Variants in KIAA1328 observed in about 807,000 individuals in gnomAD.
The protein encoded by KIAA1328 is KIAA1328, also known as protein hinderin.
KIAA1328 carries 52 observed loss-of-function variants against 68.1 expected under a neutral mutation model. The observed-to-expected ratio is 0.76, with a 90% CI of 0.61 to 0.96. The LOEUF (loss-of-function observed/expected upper bound fraction) is 0.96, where lower values mean the gene tolerates loss of function less well. Ranked by LOEUF, KIAA1328 falls within the 40% of genes least tolerant of loss-of-function variation. The pLI is 0.00. For synonymous variants in KIAA1328, 232 were observed against 239.4 expected, an observed-to-expected ratio of 0.97 and a Z score of 0.28; for missense variants, 641 against 677.6, an observed-to-expected ratio of 0.95 and a Z score of 0.60.
intron 5 of KIAA1328, among the ~76,000 whole-genome samples, chr18:36,902,531 G>A (rs963234151): frequency 6.6e-6 from 1 of 151,990 alleles, no homozygotes; most frequent in Non-Finnish European, 1.5e-5. Flanking sequence ...TATGCCACTG[G>A]TTTTCAATCC....
chr18:37,066,048 G>A (rs748846306), intron 6 of KIAA1328, among the ~76,000 whole-genome samples: 3 of 152,136 alleles, frequency 2.0e-5, no homozygotes, highest in Non-Finnish European at 4.4e-5. Flanking sequence ...AGAAAGATTT[G>A]GAAACTCTGG....
At chr18:36,931,153 C>T (rs901152296) in intron 5 of KIAA1328, among the ~76,000 whole-genome samples, 2 of 151,990 alleles carry the variant, frequency 1.3e-5, no homozygotes, top group Non-Finnish European at 2.9e-5. Flanking sequence ...CAAAAAACTC[C>T]CAAACAATAA....
intron 6 of KIAA1328, among the ~76,000 whole-genome samples, chr18:36,991,945 G>A (rs976745015): frequency 1.8e-4 from 28 of 152,116 alleles, no homozygotes; most frequent in African/African-American, 5.8e-4. Flanking sequence ...GTAGTTGTTC[G>A]GGGGCCACCA....
rs946758090 is a variant in KIAA1328 at position 37,143,525 on chromosome 18, T to C, written c.1233-16675T>C. 3.2e-4 allele frequency among the ~76,000 whole-genome samples: 34 copies of C among 107,594 alleles called. No homozygotes were observed. The East Asian group carries it at 3.4e-3, about 11-fold the overall frequency. 70.6% of individuals were successfully genotyped at this position (107,594 alleles called of 152,430 possible). A position where few individuals can be genotyped will look rare whatever the true frequency, so the allele number is the denominator to read the frequency against. ...GCTTTATGCCTTTTTTTCTTTCTTT[T>C]TTTTTTTTTTTTTTTTTTGCTTATT... On this transcript the variant is annotated intron_variant, in intron 7 of 9. Coordinates refer to ENST00000280020, the MANE Select transcript of KIAA1328 (RefSeq NM_020776.3).
chr18:36,932,854 A>G (rs1022437714), intron 5 of KIAA1328, among the ~76,000 whole-genome samples: 6 of 152,244 alleles, frequency 3.9e-5, no homozygotes, highest in South Asian at 2.1e-4. Context: ...AGCTGTTTAT[A>G]TATTAGTAAA....
At chr18:36,949,263 A>T (rs2034214) in intron 5 of KIAA1328, among the ~76,000 whole-genome samples, 111,515 of 152,094 alleles carry the variant, frequency 0.73, 43,985 homozygotes, top group South Asian at 0.89. Flanking sequence ...TTTTTAAGCA[A>T]GTTAGAAGCA....
At chr18:37,029,335 T>C (rs2054725896) in intron 6 of KIAA1328, among the ~76,000 whole-genome samples, 1 of 152,102 alleles carries the variant, frequency 6.6e-6, no homozygotes, top group South Asian at 2.1e-4. Context: ...CTGAGAGTTT[T>C]ATTTGGGATT....
intron 6 of KIAA1328, among the ~76,000 whole-genome samples, chr18:37,031,650 G>A (rs2054834132): frequency 6.6e-6 from 1 of 152,052 alleles, no homozygotes; most frequent in Admixed American, 6.6e-5. Flanking sequence ...GGACTCTTTG[G>A]ATCCTTTACC....
chr18:36,870,566 G>T (rs900246726), intron 4 of KIAA1328, among the ~76,000 whole-genome samples: 4 of 152,058 alleles, frequency 2.6e-5, no homozygotes, highest in African/African-American at 9.7e-5. Flanking sequence ...CGTATGTTTG[G>T]GTGGGATTTA....
chr18:36,862,538 T>C (rs1358225376), intron 4 of KIAA1328, among the ~76,000 whole-genome samples: 1 of 152,170 alleles, frequency 6.6e-6, no homozygotes, highest in Non-Finnish European at 1.5e-5. Context: ...TATCAATAAT[T>C]TGTTCCTTTT....
intron 5 of KIAA1328, among the ~76,000 whole-genome samples, chr18:36,914,162 A>T (rs2049587349): frequency 1.3e-5 from 2 of 152,146 alleles, no homozygotes; most frequent in Admixed American, 6.6e-5. Context: ...CTACCATACT[A>T]TCTGTAAATA....
chr18:37,175,039 G>A (rs544759287), intron 9 of KIAA1328, among the ~76,000 whole-genome samples: 1 of 152,252 alleles, frequency 6.6e-6, no homozygotes, highest in South Asian at 2.1e-4. Flanking sequence ...TTGTGTTTCT[G>A]AAATGTTGAT....
At chr18:37,103,189 A>T (rs2057673953) in intron 7 of KIAA1328, among the ~76,000 whole-genome samples, 1 of 152,198 alleles carries the variant, frequency 6.6e-6, no homozygotes, top group East Asian at 1.9e-4. Context: ...ATGAAATCAC[A>T]AAAGATCCCA....
chr18:36,945,748 AGTGTGGGTGG>A (rs1371565461), intron 5 of KIAA1328, among the ~76,000 whole-genome samples: 1 of 152,204 alleles, frequency 6.6e-6, no homozygotes, highest in African/African-American at 2.4e-5. Flanking sequence ...TATGCTTAAA[AGTGTGGGTGG>A]GTGATATAGA....
intron 9 of KIAA1328, among the ~76,000 whole-genome samples, chr18:37,179,428 GTTTTTTTAAAACCTTGC>G (rs888289689): frequency 7.9e-5 from 12 of 152,078 alleles, no homozygotes; most frequent in African/African-American, 2.9e-4. Context: ...TTTAGTTTGA[GTTTTTTTAAAACCTTGC>G]TTTGCTGTCA....
intron 6 of KIAA1328, among the ~76,000 whole-genome samples, chr18:37,046,113 G>A (rs1249055442): frequency 6.6e-6 from 1 of 152,154 alleles, no homozygotes; most frequent in African/African-American, 2.4e-5. Flanking sequence ...TTAGGTCAGT[G>A]CATCCCAAAC....
intron 7 of KIAA1328, among the ~76,000 whole-genome samples, chr18:37,074,047 G>C (rs530173511): frequency 6.6e-6 from 1 of 152,330 alleles, no homozygotes; most frequent in Non-Finnish European, 1.5e-5. Context: ...GAAAATGGAC[G>C]TCTAGCCTCC....
At chr18:37,192,530 C>T (rs1220396179) in intron 9 of KIAA1328, among the ~76,000 whole-genome samples, 1 of 152,164 alleles carries the variant, frequency 6.6e-6, no homozygotes, top group African/African-American at 2.4e-5. Flanking sequence ...GCACTTCTTT[C>T]TCATGATTTT....
intron 6 of KIAA1328, among the ~76,000 whole-genome samples, chr18:37,025,746 C>A (rs1428389990): frequency 6.6e-6 from 1 of 152,130 alleles, no homozygotes; most frequent in Non-Finnish European, 1.5e-5. Context: ...AAATTTATAG[C>A]ACTAAATGCC....
Sources: allele counts gnomAD v4.1 joint callset (sites outside exome capture counted in the v4.1 genomes callset), GRCh38; gene constraint gnomAD v4.1.1; transcripts MANE v1.5; gene names NCBI Gene and HGNC (gene_info 2026-07-23, HGNC 2026-07-21).